PCDH15: variants seen among roughly 807,000 people sequenced by gnomAD.
PCDH15 encodes protocadherin related 15.
A neutral mutation model predicts 178.5 loss-of-function variants in PCDH15; 129 were observed. The ratio of observed to expected loss-of-function variants is 0.72; its 90% CI spans 0.63 to 0.84. The LOEUF is 0.84. PCDH15 is among the 40% of genes least tolerant of loss of function. The probability of loss-of-function intolerance (pLI) is 0.00; values close to 1 mark genes in which losing one functional copy is unlikely to be tolerated. For synonymous variants in PCDH15, 800 were observed against 732.0 expected, an observed-to-expected ratio of 1.09 and a Z score of -1.50; for missense variants, 2,230 against 2,099.9, an observed-to-expected ratio of 1.06 and a Z score of -1.21.
chr10:54,234,010 G>C (rs1327912719), intron 9 of PCDH15, among the ~76,000 whole-genome samples: 1 of 152,080 alleles, frequency 6.6e-6, no homozygotes, highest in Non-Finnish European at 1.5e-5. Flanking sequence ...GAGAGGAGTC[G>C]TCCATGTGGT....
chr10:53,861,151 T>C (rs1023210714), intron 27 of PCDH15, among the ~76,000 whole-genome samples: 1 of 152,196 alleles, frequency 6.6e-6, no homozygotes, highest in Non-Finnish European at 1.5e-5. Flanking sequence ...CAAGGATATT[T>C]AGCTGTTTAA....
intron 2 of PCDH15, among the ~76,000 whole-genome samples, chr10:55,342,664 G>A (rs981166382): frequency 2.6e-5 from 4 of 151,942 alleles, no homozygotes; most frequent in Non-Finnish European, 5.9e-5. Context: ...ATTTTGGCAG[G>A]ACTAAAATTA....
intron 2 of PCDH15, among the ~76,000 whole-genome samples, chr10:54,603,951 A>G (rs2092645597): frequency 6.6e-6 from 1 of 152,038 alleles, no homozygotes; most frequent in African/African-American, 2.4e-5. Context: ...TACTTTTGCT[A>G]TATCTCACAA....
intron 2 of PCDH15, among the ~76,000 whole-genome samples, chr10:54,562,460 T>C (rs1170080907): frequency 6.6e-6 from 1 of 152,130 alleles, no homozygotes; most frequent in Admixed American, 6.6e-5. Flanking sequence ...AAGCCAAAGA[T>C]AAGTTAATTA....
chr10:54,335,338 C>T (rs1456480739), intron 6 of PCDH15, among the ~76,000 whole-genome samples: 3 of 152,134 alleles, frequency 2.0e-5, no homozygotes, highest in Non-Finnish European at 4.4e-5. Context: ...AACCAGGTGG[C>T]CATGCCTGAG....
At chr10:53,987,683 G>A (rs1037855042) in intron 21 of PCDH15, among the ~76,000 whole-genome samples, 7 of 152,170 alleles carry the variant, frequency 4.6e-5, no homozygotes, top group African/African-American at 1.7e-4. Flanking sequence ...AGCATCAGGA[G>A]ACCAGAGGCC....
chr10:54,449,646 TTTA>T (rs1383919765), intron 3 of PCDH15, among the ~76,000 whole-genome samples: 5 of 151,854 alleles, frequency 3.3e-5, no homozygotes, highest in Admixed American at 3.3e-4. Flanking sequence ...TACAAACATT[TTTA>T]TTGTTGTTTA....
intron 1 of PCDH15, among the ~76,000 whole-genome samples, chr10:55,222,872 C>CA (rs1434831227): frequency 5.9e-5 from 9 of 151,416 alleles, no homozygotes; most frequent in African/African-American, 2.2e-4. Flanking sequence ...GAGACCAAAG[C>CA]ATGAGTTAAT....
At chr10:54,308,434 CT>C (rs1008864527) in intron 8 of PCDH15, among the ~76,000 whole-genome samples, 5 of 151,664 alleles carry the variant, frequency 3.3e-5, no homozygotes, top group African/African-American at 7.3e-5. Context: ...TCGACTGTTT[CT>C]TTTTTTTGCC....
chr10:54,952,350 GT>G (rs1186473765), intron 2 of PCDH15, among the ~76,000 whole-genome samples: 1 of 151,790 alleles, frequency 6.6e-6, no homozygotes, highest in Non-Finnish European at 1.5e-5. Flanking sequence ...TCTCTGTTCT[GT>G]TTCATTGATC....
intron 34 of PCDH15, among the ~76,000 whole-genome samples, chr10:53,817,638 C>T (rs2076114349): frequency 6.6e-6 from 1 of 150,508 alleles, no homozygotes; most frequent in African/African-American, 2.4e-5. Flanking sequence ...TCTCCTGTCT[C>T]AGCCTCCCAA....
chr10:54,473,153 G>C (rs1374850540), intron 3 of PCDH15, among the ~76,000 whole-genome samples: 2 of 152,084 alleles, frequency 1.3e-5, no homozygotes, highest in Non-Finnish European at 2.9e-5. Context: ...GGTAAGAAGA[G>C]ACAACACTAG....
At chr10:54,721,634 TC>T (rs1941628571) in intron 1 of PCDH15, among the ~76,000 whole-genome samples, 1 of 151,738 alleles carries the variant, frequency 6.6e-6, no homozygotes, top group Non-Finnish European at 1.5e-5. Flanking sequence ...AAAATGCATT[TC>T]TAGAAAAACA....
Position 53,806,258 on chromosome 10 carries a change from T to C in PCDH15, c.*321A>G. Reference sequence around the variant, plus strand: ...AGAAATAAAGCATAATCTATGTTAATCAATAAAATATAAATGATTATTTAG... The same window carrying C: ...AGAAATAAAGCATAATCTATGTTAACCAATAAAATATAAATGATTATTTAG... On this transcript the variant is annotated 3_prime_UTR_variant, in exon 38 of 38. Coordinates refer to ENST00000644397, the MANE Select transcript of PCDH15 (RefSeq NM_001384140.1). 1 of 229,212 alleles carries C rather than the reference T, an allele frequency of 4.4e-6. No homozygotes were observed. Among genetic ancestry groups the C allele is most frequent in the South Asian group, 7.8e-5 (1 of 12,746 alleles). The allele number at this position is 229,212 out of a possible 1,614,324, so 14.2% of individuals were successfully genotyped here.
chr10:54,660,258 C>T (rs970203691), intron 2 of PCDH15, among the ~76,000 whole-genome samples: 15 of 152,056 alleles, frequency 9.9e-5, no homozygotes, highest in African/African-American at 2.4e-4. Flanking sequence ...GCATTACAAC[C>T]GATACCACAG....
rs556109356 is a variant in PCDH15, at chr10:55,244,162, C to T, written c.-156+75437G>A. Among the ~76,000 whole-genome samples the T allele has an allele frequency of 2.2e-3, 341 of 151,988 alleles. 4 individuals are homozygous for T. Among genetic ancestry groups the T allele is most frequent in the South Asian group, 0.021 (101 of 4,812 alleles). On this transcript the variant is annotated intron_variant, in intron 1 of 5. Transcript: ENST00000458638. ...GAATGTGATGCACAATCTCATAGTT[C>T]GAAATGAAAATAAAATTCTACTTTC...
At chr10:54,984,929 TG>T (rs1448315168) in intron 2 of PCDH15, among the ~76,000 whole-genome samples, 3 of 152,190 alleles carry the variant, frequency 2.0e-5, no homozygotes, top group African/African-American at 7.2e-5. Context: ...CATGAAACTT[TG>T]ATTAAGTAAT....
intron 15 of PCDH15, among the ~76,000 whole-genome samples, chr10:54,129,708 T>C (rs1360199838): frequency 1.3e-5 from 2 of 152,204 alleles, no homozygotes; most frequent in Non-Finnish European, 2.9e-5. Context: ...GGTTCCAGAC[T>C]TCTGAGTATA....
intron 20 of PCDH15, among the ~76,000 whole-genome samples, chr10:53,999,573 G>A (rs2092023687): frequency 6.6e-6 from 1 of 152,200 alleles, no homozygotes; most frequent in Admixed American, 6.5e-5. Context: ...TGGGCCATAA[G>A]TGAACATTGG....
Sources: allele counts gnomAD v4.1 joint callset (sites outside exome capture counted in the v4.1 genomes callset), GRCh38; gene constraint gnomAD v4.1.1; transcripts MANE v1.5; gene names NCBI Gene and HGNC (gene_info 2026-07-23, HGNC 2026-07-21).